The following SEC61A1 variants were observed in gnomAD, a reference collection of about 807,000 sequenced individuals.
SEC61A1 encodes the protein protein transport protein Sec61 subunit alpha isoform 1.
In SEC61A1, 15 loss-of-function variants were observed where a neutral mutation model predicts 55.2. The observed-to-expected ratio is 0.27, with a 90% confidence interval of 0.18 to 0.42. SEC61A1 has a LOEUF of 0.42. Among genes scored for constraint, SEC61A1 ranks in the 10% least tolerant of loss-of-function variants. The pLI is 1.00. For missense variants in SEC61A1, 284 were observed against 602.6 expected (o/e 0.47, Z 5.53); for synonymous variants, 247 against 234.0 (o/e 1.06, Z -0.51).
In SEC61A1 at chr3:128,067,478, C is replaced by T; in HGVS notation, c.1033C>T (p.Leu345=). The T allele has an allele frequency of 1.9e-6, 3 of 1,614,198 alleles. No homozygotes were observed. Among genetic ancestry groups the T allele is most frequent in the Non-Finnish European group, 2.5e-6 (3 of 1,180,036 alleles). The change falls in exon 10 of 12, where the codon CTG becomes TTG. Residue 345 remains leucine, a synonymous_variant. Coordinates refer to ENST00000243253, the MANE Select transcript of SEC61A1 (RefSeq NM_013336.4). This position sits in a 1 kb window ranked among gnomAD's most constrained non-coding sequence, Gnocchi z 4.1. Reference sequence around the variant, plus strand: ...TCCAGTTGGTGGCCTTTGCTATTACCTGTCCCCTCCAGAATCTTTTGGCTC... The same window carrying T: ...TCCAGTTGGTGGCCTTTGCTATTACTTGTCCCCTCCAGAATCTTTTGGCTC... ...AYPVGGLCYY[L]SPPESFGSVL... is the part of the protein sequence containing the mutation.
At chr3:128,068,445 A>G (rs1009493686) in intron 11 of SEC61A1, among the ~76,000 whole-genome samples, 3 of 152,204 alleles carry the variant, frequency 2.0e-5, no homozygotes, top group African/African-American at 7.2e-5. Context: ...CAGAGCAGGC[A>G]GGTCCTGGCA....
rs1161878724 is a variant in SEC61A1, at chr3:128,066,982, C to T, written c.806C>T (p.Ser269Leu). The T allele has an allele frequency of 3.1e-6, 5 of 1,614,168 alleles. No individual in the cohort carries two copies. Among genetic ancestry groups the T allele is most frequent in the East Asian group, 2.2e-5 (1 of 44,882 alleles). ...TTCCGAGTGGACCTGCCAATCAAGT[C>T]GGCCCGCTACCGTGGCCAGTACAAC... ...QGFRVDLPIK[S>L]ARYRGQYNTY... Residue 269 changes from serine to leucine, a missense_variant, in exon 9 of 12, where the codon TCG (serine) becomes TTG (leucine). By Grantham distance (145) the Ser-to-Leu change is moderately radical (BLOSUM62 -2). Coordinates refer to ENST00000243253, the MANE Select transcript of SEC61A1 (RefSeq NM_013336.4).
At chr3:128,065,220 C>A in intron 8 of SEC61A1, 183 bp downstream of exon 8, 1 of 725,084 alleles carries the variant, frequency 1.4e-6, no homozygotes, top group Non-Finnish European at 2.4e-6. Flanking sequence ...AGTCATGGGA[C>A]CTGCCATTAA....
At chr3:128,062,659 C>T (rs1052517585) in intron 7 of SEC61A1, among the ~76,000 whole-genome samples, 1 of 152,180 alleles carries the variant, frequency 6.6e-6, no homozygotes, top group East Asian at 1.9e-4. Flanking sequence ...CATGTCATCT[C>T]GGAATGGTCC....
intron 6 of SEC61A1, 100 bp downstream of exon 6, chr3:128,060,311 A>G: frequency 1.8e-6 from 2 of 1,107,100 alleles, no homozygotes; most frequent in Admixed American, 3.8e-5. Context: ...ACTCCTACTG[A>G]AAGGAAGCAG....
intron 7 of SEC61A1, among the ~76,000 whole-genome samples, chr3:128,060,878 CCTG>C (rs1227926977): frequency 6.6e-6 from 1 of 152,206 alleles, no homozygotes; most frequent in Non-Finnish European, 1.5e-5. Flanking sequence ...AAAAATATCT[CCTG>C]GACGTTTGGC....
In SEC61A1 at chr3:128,055,665, G is replaced by C; in HGVS notation, c.142-8G>C. ...GTGCTGACTGTTTTGCTCTTTGCCTGTTCCCAGATTCCCCTGTTTGGGATC... is the reference window on the plus strand; with the variant it reads ...GTGCTGACTGTTTTGCTCTTTGCCTCTTCCCAGATTCCCCTGTTTGGGATC... On this transcript the variant is annotated splice_region_variant and splice_polypyrimidine_tract_variant and intron_variant, in intron 3 of 11. Transcript: ENST00000243253. The C allele has an allele frequency of 6.2e-7, 1 of 1,613,948 alleles. No homozygotes were observed. The highest frequency in any genetic ancestry group is 8.5e-7 in the Non-Finnish European group (1 of 1,179,810).
chr3:128,063,446 T>A (rs1406015033), intron 7 of SEC61A1, among the ~76,000 whole-genome samples: 2 of 152,214 alleles, frequency 1.3e-5, no homozygotes, highest in African/African-American at 4.8e-5. Context: ...CAAGCAGTTC[T>A]CTGCCTCAGC....
chr3:128,060,434 C>G, intron 6 of SEC61A1, 74 bp from the exon 7 acceptor site: 2 of 1,495,688 alleles, frequency 1.3e-6, no homozygotes, highest in South Asian at 1.2e-5. Flanking sequence ...TATCAGAGAA[C>G]CCAATTACTG....
At position 128,069,493 on chromosome 3, in the gene SEC61A1, C is replaced by T. The variant is rs769538360; in HGVS notation, c.1262C>T (p.Ala421Val). ...TCCCCCAGGTACATCCCCACAGCCG[C>T]GGCCTTTGGTGGGCTGTGCATCGGG... ...HELNRYIPTA[A>V]AFGGLCIGAL... The change falls in exon 12 of 12, where the codon GCG becomes GTG. Residue 421 changes from alanine (A) to valine (V), a missense_variant. Coordinates refer to ENST00000243253, the MANE Select transcript of SEC61A1 (RefSeq NM_013336.4). The T allele has an allele frequency of 6.2e-7, 1 of 1,612,438 alleles. No homozygotes were observed.
chr3:128,054,809 CACTCT>C (rs149928447), intron 2 of SEC61A1, among the ~76,000 whole-genome samples: 121 of 152,292 alleles, frequency 7.9e-4, no homozygotes, highest in African/African-American at 2.8e-3. Flanking sequence ...GAAGAGTTCC[CACTCT>C]ACTCTTTAGT....
intron 2 of SEC61A1, among the ~76,000 whole-genome samples, chr3:128,054,763 T>C (rs896842117): frequency 6.6e-6 from 1 of 152,232 alleles, no homozygotes; most frequent in Non-Finnish European, 1.5e-5. Context: ...CAGCAGGTAT[T>C]AGTGAAGACA....
chr3:128,069,523 T>C lies in SEC61A1; in HGVS notation c.1292T>C (p.Leu431Pro). The C allele has an allele frequency of 1.2e-6, 2 of 1,613,868 alleles. No homozygotes were observed. Among genetic ancestry groups the C allele is most frequent in the South Asian group, 2.2e-5 (2 of 91,082 alleles). The change falls in exon 12 of 12, where the codon CTC (leucine) becomes CCC (proline). Residue 431 changes from leucine to proline, a missense_variant. Coordinates refer to ENST00000243253, the MANE Select transcript of SEC61A1 (RefSeq NM_013336.4). ...TTTGGTGGGCTGTGCATCGGGGCCC[T>C]CTCGGTCCTGGCTGACTTCCTAGGC... ...AAFGGLCIGA[L>P]SVLADFLGAI...
chr3:128,063,151 G>T (rs1298687650), intron 7 of SEC61A1, among the ~76,000 whole-genome samples: 1 of 152,012 alleles, frequency 6.6e-6, no homozygotes, highest in South Asian at 2.1e-4. Context: ...TTTTTGTAGG[G>T]TGTCTTCATT....
At chr3:128,060,408 C>A (rs1941834742) in intron 6 of SEC61A1, 100 bp from the exon 7 acceptor site, 1 of 1,322,210 alleles carries the variant, frequency 7.6e-7, no homozygotes, top group Non-Finnish European at 1.1e-6. Flanking sequence ...TGATCTCATT[C>A]CGTCTTCAGC....
intron 5 of SEC61A1, among the ~76,000 whole-genome samples, chr3:128,058,082 A>G (rs1230753696): frequency 1.3e-5 from 2 of 152,176 alleles, no homozygotes; most frequent in Non-Finnish European, 2.9e-5. Context: ...CTGTTTGCTG[A>G]AAAACATTAA....
At position 128,066,236 on chromosome 3, in the gene SEC61A1, G is replaced by A. The variant is rs570071107; in HGVS notation, c.778-718G>A. Reference sequence around the variant, plus strand: ...AAGGTGTGAGGCCACTGCTGTAGTGGCCCTGCCTCAGAGCCAGTGTAAAAG... The same window carrying A: ...AAGGTGTGAGGCCACTGCTGTAGTGACCCTGCCTCAGAGCCAGTGTAAAAG... On this transcript the variant is annotated intron_variant, in intron 8 of 11. Transcript: ENST00000243253. Among the ~76,000 whole-genome samples, 5 of 152,232 alleles carry A rather than the reference G, an allele frequency of 3.3e-5. No individual in the cohort carries two copies. The South Asian group carries it at 1.0e-3, about 32-fold the overall frequency.
chr3:128,064,732 T>C, intron 7 of SEC61A1, 145 bp from the exon 8 acceptor site: 1 of 642,432 alleles, frequency 1.6e-6, no homozygotes, highest in Non-Finnish European at 2.7e-6. Flanking sequence ...ATGAGAATAA[T>C]ACATGCTGTA....
In SEC61A1 at chr3:128,053,589, T is replaced by G. The variant is rs72974015; in HGVS notation, c.75+687T>G. Among the ~76,000 whole-genome samples the G allele has an allele frequency of 8.7e-4, 132 of 152,378 alleles. 1 individual carries two copies. The highest frequency in any genetic ancestry group is 3.1e-3 in the African/African-American group (128 of 41,596). ...TGTGTCCTCACATTATTTTTCAAACTGTTGTTAAAGCATTCACATGGACAC... is the reference window on the plus strand; with the variant it reads ...TGTGTCCTCACATTATTTTTCAAACGGTTGTTAAAGCATTCACATGGACAC... On this transcript the variant is annotated intron_variant, in intron 2 of 11. Transcript: ENST00000243253.
Sources: gnomAD v4.1 joint callset for allele counts (sites outside exome capture counted in the v4.1 genomes callset) on GRCh38, gnomAD v4.1.1 for gene constraint, Gnocchi (gnomAD v3.1) non-coding constraint, MANE v1.5 for transcripts, NCBI Gene and HGNC (gene_info 2026-07-23, HGNC 2026-07-21) for gene names.